Variants in ANO3 observed in about 807,000 individuals in gnomAD.
ANO3 encodes the protein anoctamin-3.
A neutral mutation model predicts 144.8 loss-of-function variants in ANO3; 99 were observed. The observed-to-expected ratio is 0.68, with a 90% CI of 0.58 to 0.81. ANO3 has a LOEUF of 0.81. ANO3 is among the 30% of genes least tolerant of loss of function. ANO3 has a pLI of 0.00. For missense variants in ANO3, 905 were observed against 1,202.2 expected (o/e 0.75, Z 3.66); for synonymous variants, 414 against 392.6 (o/e 1.05, Z -0.64).
Position 26,598,460 on chromosome 11 carries a change from G to A in ANO3, c.1530+13G>A, listed in dbSNP as rs1267118506. 1.3e-6 allele frequency: 2 copies of A among 1,554,696 alleles called. No individual in the cohort carries two copies. The highest frequency in any genetic ancestry group is 1.8e-6 in the Non-Finnish European group (2 of 1,141,906). ...GGAAGAAGAGGAGGTAAGATGTTAG[G>A]ATACAAGGAAATAGGGAAACTGGGC... On this transcript the variant is annotated intron_variant, in intron 15 of 26. Transcript: ENST00000256737.
chr11:26,547,630 A>G (rs1849821422), intron 12 of ANO3, 80 bp downstream of exon 12: 8 of 1,339,882 alleles, frequency 6.0e-6, no homozygotes, highest in Non-Finnish European at 8.4e-6. Context: ...GCTGACTATA[A>G]AAAATCAAAT....
At chr11:26,401,293 ATTGTC>A (rs376127964) in intron 1 of ANO3, among the ~76,000 whole-genome samples, 1,748 of 151,964 alleles carry the variant, frequency 0.012, 16 homozygotes, top group Non-Finnish European at 0.018. Context: ...ATTATCCTTC[ATTGTC>A]TTGCTTCTGC....
At chr11:26,621,694 A>C (rs376372466) in intron 17 of ANO3, among the ~76,000 whole-genome samples, 226 of 152,248 alleles carry the variant, frequency 1.5e-3, no homozygotes, top group South Asian at 5.0e-3. Flanking sequence ...ATGAAAGTAG[A>C]GATTATGTCT....
intron 1 of ANO3, among the ~76,000 whole-genome samples, chr11:26,292,183 T>C (rs999001039): frequency 1.3e-5 from 2 of 152,156 alleles, no homozygotes; most frequent in African/African-American, 4.8e-5. Flanking sequence ...TGATAGCCTT[T>C]CTTCCACTTG....
chr11:26,265,461 TC>T (rs1180042052), intron 1 of ANO3, among the ~76,000 whole-genome samples: 1 of 152,220 alleles, frequency 6.6e-6, no homozygotes, highest in Non-Finnish European at 1.5e-5. Context: ...TACATTAACA[TC>T]ATTTCTTGAT....
chr11:26,521,635 T>C (rs959750268), intron 6 of ANO3, among the ~76,000 whole-genome samples: 1 of 152,178 alleles, frequency 6.6e-6, no homozygotes, highest in Non-Finnish European at 1.5e-5. Context: ...GTTTTTGTCA[T>C]ATCAGGAAGG....
At chr11:26,414,774 A>G (rs78924773) in intron 1 of ANO3, among the ~76,000 whole-genome samples, 2,121 of 151,596 alleles carry the variant, frequency 0.014, 26 homozygotes, top group Non-Finnish European at 0.023. Flanking sequence ...AAAAAAAAAA[A>G]AGAAAGAAAG....
intron 3 of ANO3, among the ~76,000 whole-genome samples, chr11:26,453,008 A>C (rs373551457): frequency 1.3e-5 from 2 of 151,972 alleles, no homozygotes; most frequent in African/African-American, 2.4e-5. Flanking sequence ...GAAATAAAAT[A>C]CTTTACAGAC....
intron 14 of ANO3, among the ~76,000 whole-genome samples, chr11:26,591,021 T>C (rs931517948): frequency 1.3e-5 from 2 of 152,174 alleles, no homozygotes; most frequent in Non-Finnish European, 2.9e-5. Flanking sequence ...CAATATATGA[T>C]TTGACTATTT....
chr11:26,293,184 G>C (rs1282471063), intron 1 of ANO3, among the ~76,000 whole-genome samples: 1 of 151,886 alleles, frequency 6.6e-6, no homozygotes, highest in African/African-American at 2.4e-5. Context: ...ATTGGCACAG[G>C]CCATCGATGA....
intron 1 of ANO3, among the ~76,000 whole-genome samples, chr11:26,388,244 A>G (rs1358245589): frequency 6.6e-6 from 1 of 151,838 alleles, no homozygotes; most frequent in Non-Finnish European, 1.5e-5. Flanking sequence ...ACCAGAATCT[A>G]GTAATACTTT....
At chr11:26,644,969 A>G (rs1178952312) in intron 23 of ANO3, among the ~76,000 whole-genome samples, 4 of 152,170 alleles carry the variant, frequency 2.6e-5, no homozygotes, top group East Asian at 1.9e-4. Context: ...TAAATTTTAT[A>G]TATAATCCAA....
chr11:26,420,325 G>A (rs1318182025), intron 1 of ANO3, among the ~76,000 whole-genome samples: 1 of 151,958 alleles, frequency 6.6e-6, no homozygotes, highest in Non-Finnish European at 1.5e-5. Flanking sequence ...CAAAAGTTAT[G>A]CTGAAAGTTT....
intron 21 of ANO3, among the ~76,000 whole-genome samples, chr11:26,640,999 G>A (rs4497357): frequency 0.38 from 57,442 of 151,824 alleles, 11,731 homozygotes; most frequent in South Asian, 0.49. Context: ...CTTAGGTTCC[G>A]TGATTAAAAT....
chr11:26,591,838 G>A (rs1265816700), intron 14 of ANO3, among the ~76,000 whole-genome samples: 3 of 152,064 alleles, frequency 2.0e-5, no homozygotes, highest in African/African-American at 4.8e-5. Context: ...CTGGATTTTC[G>A]GGCTCCTTTG....
At chr11:26,444,425 A>C (rs1858633930) in intron 3 of ANO3, among the ~76,000 whole-genome samples, 1 of 152,220 alleles carries the variant, frequency 6.6e-6, no homozygotes, top group Non-Finnish European at 1.5e-5. Flanking sequence ...CTAATGTGTC[A>C]ACACTTATTT....
chr11:26,571,679 C>G (rs1049586921), intron 14 of ANO3, among the ~76,000 whole-genome samples: 7 of 152,118 alleles, frequency 4.6e-5, no homozygotes, highest in Non-Finnish European at 7.4e-5. Context: ...TATATTCATG[C>G]TGCCACTTCC....
chr11:26,619,708 C>T (rs1852360114), intron 17 of ANO3, among the ~76,000 whole-genome samples: 1 of 152,252 alleles, frequency 6.6e-6, no homozygotes, highest in South Asian at 2.1e-4. Context: ...CTCAAGAGAT[C>T]CGCCCACTTT....
intron 17 of ANO3, among the ~76,000 whole-genome samples, chr11:26,616,196 G>A (rs911078623): frequency 2.0e-5 from 3 of 152,090 alleles, no homozygotes; most frequent in Non-Finnish European, 2.9e-5. Context: ...GTATAAAAAT[G>A]TTAGAAATGC....
Sources: allele counts gnomAD v4.1 joint callset (sites outside exome capture counted in the v4.1 genomes callset), GRCh38; gene constraint gnomAD v4.1.1; transcripts MANE v1.5; gene names NCBI Gene and HGNC (gene_info 2026-07-23, HGNC 2026-07-21).